The following TNR variants were observed in gnomAD, a reference collection of about 807,000 sequenced individuals.
TNR encodes the protein tenascin R.
Under a neutral mutation model 150.4 loss-of-function variants are expected in TNR, and 45 were observed. That is an observed-to-expected ratio of 0.30 (90% CI 0.24 to 0.38). TNR has a LOEUF of 0.38. Ranked by LOEUF, TNR falls within the 10% of genes least tolerant of loss-of-function variation. TNR has a pLI of 1.00. For missense variants in TNR, 1,544 were observed against 1,759.1 expected (o/e 0.88, Z 2.19); for synonymous variants, 687 against 678.4 (o/e 1.01, Z -0.20).
intron 1 of TNR, among the ~76,000 whole-genome samples, chr1:175,624,259 T>A (rs1218658300): frequency 6.6e-6 from 1 of 152,228 alleles, no homozygotes; most frequent in Non-Finnish European, 1.5e-5. Context: ...AATTCTTTCC[T>A]GGAAATAGAT....
intron 2 of TNR, among the ~76,000 whole-genome samples, chr1:175,502,909 C>A (rs149295735): frequency 1.3e-5 from 2 of 151,618 alleles, no homozygotes; most frequent in African/African-American, 2.4e-5. Flanking sequence ...ACCCCCTAGA[C>A]GAACCAAGGA....
chr1:175,536,383 G>A (rs1481510773), intron 1 of TNR, among the ~76,000 whole-genome samples: 1 of 152,192 alleles, frequency 6.6e-6, no homozygotes, highest in East Asian at 1.9e-4. Flanking sequence ...CATGGCTAGG[G>A]CCTGGGTGTC....
chr1:175,568,027 C>A (rs1182577807), intron 1 of TNR, among the ~76,000 whole-genome samples: 1 of 152,178 alleles, frequency 6.6e-6, no homozygotes, highest in Non-Finnish European at 1.5e-5. Flanking sequence ...TTTACAATAA[C>A]ATAAGTCTGC....
chr1:175,653,401 T>C lies in TNR; in HGVS notation c.-165+89825A>G, dbSNP rs182727332. Reference sequence around the variant, plus strand: ...AAAGTGAGAAGCAGAGTGAAGTATATTGCACCATATCAAAGCTCAAAACAA... The same window carrying C: ...AAAGTGAGAAGCAGAGTGAAGTATACTGCACCATATCAAAGCTCAAAACAA... On this transcript the variant is annotated intron_variant, in intron 1 of 22. Transcript: ENST00000367674. 4.1e-4 allele frequency among the ~76,000 whole-genome samples: 62 copies of C among 152,272 alleles called. 2 individuals carry two copies. Among genetic ancestry groups the C allele is most frequent in the African/African-American group, 1.4e-3 (57 of 41,556 alleles).
rs907380144 is a variant in TNR at position 175,458,954 on chromosome 1, C to A, written c.-63-52177G>T. Among the ~76,000 whole-genome samples, 26 of 102,956 alleles carry A rather than the reference C, an allele frequency of 2.5e-4. No homozygotes were observed. The African/African-American group carries it at 4.0e-3, about 16-fold the overall frequency. The allele number at this position is 102,956 out of a possible 152,430, so 67.5% of individuals were successfully genotyped here. On this transcript the variant is annotated intron_variant, in intron 2 of 22. Transcript: ENST00000367674. ...ATCACCACCACCATTAGCACCTCCA[C>A]CAACACCATCACCACCACGTTAACC...
Position 175,332,113 on chromosome 1 carries a change from C to T in TNR, c.3632-1878G>A, listed in dbSNP as rs138391955. Among the ~76,000 whole-genome samples, 1,101 of 152,326 alleles carry T rather than the reference C, an allele frequency of 7.2e-3. 9 individuals are homozygous for T. The highest frequency in any genetic ancestry group is 0.011 in the Non-Finnish European group (760 of 68,026). ...TGCTACAAGTGTTGGCTGTTAGCAA[C>T]TTGCAGCTGCCTTCTTCTTGGAAAA... On this transcript the variant is annotated intron_variant, in intron 20 of 22. Coordinates refer to ENST00000367674, the MANE Select transcript of TNR (RefSeq NM_003285.3).
chr1:175,703,701 G>A (rs1420273608), intron 1 of TNR, among the ~76,000 whole-genome samples: 1 of 152,160 alleles, frequency 6.6e-6, no homozygotes, highest in Non-Finnish European at 1.5e-5. Flanking sequence ...AGAAAGTATA[G>A]ATGACCAATA....
chr1:175,422,835 C>A (rs747898576), intron 2 of TNR, among the ~76,000 whole-genome samples: 1 of 152,244 alleles, frequency 6.6e-6, no homozygotes, highest in Non-Finnish European at 1.5e-5. Flanking sequence ...CTCATAGGTG[C>A]ACCTGCTTCT....
chr1:175,355,652 G>A lies in TNR; in HGVS notation c.3119-19C>T, dbSNP rs1651289728. ...TCCAGGACTGCAAAGAGGAGAAAGT[G>A]CCAGGGCATGCCTGCCTCTCCAGCT... is the stretch of plus-strand genomic sequence containing the variant. On this transcript the variant is annotated intron_variant, in intron 16 of 22. Coordinates refer to ENST00000367674, the MANE Select transcript of TNR (RefSeq NM_003285.3). The A allele has an allele frequency of 6.2e-7, 1 of 1,612,680 alleles. No homozygotes were observed. Among genetic ancestry groups the A allele is most frequent in the East Asian group, 2.2e-5 (1 of 44,826 alleles).
intron 1 of TNR, among the ~76,000 whole-genome samples, chr1:175,634,172 C>A (rs1453346772): frequency 2.0e-5 from 3 of 152,142 alleles, no homozygotes; most frequent in Admixed American, 6.6e-5. Flanking sequence ...ATATCAGTGG[C>A]AGGGAGGAAG....
At chr1:175,539,069 G>C (rs947562332) in intron 1 of TNR, 1 of 152,132 alleles carries the variant, frequency 6.6e-6, no homozygotes, top group Non-Finnish European at 1.5e-5. Context: ...TTTTCATTCT[G>C]GTCTCCCCAG....
chr1:175,425,488 G>A (rs948747617), intron 2 of TNR, among the ~76,000 whole-genome samples: 9 of 152,180 alleles, frequency 5.9e-5, no homozygotes, highest in African/African-American at 2.2e-4. Flanking sequence ...TGGAACTCAA[G>A]GTGAATGAGC....
rs140036541 is a variant in TNR, at chr1:175,316,729, C to T, written c.*6628G>A. The T allele has an allele frequency of 1.4e-4, 22 of 152,240 alleles. 1 individual carries two copies. Among genetic ancestry groups the T allele is most frequent in the African/African-American group, 4.8e-4 (20 of 41,552 alleles). The allele number at this position is 152,240 out of a possible 1,614,324, so 9.4% of individuals were successfully genotyped here. A position where few individuals can be genotyped will look rare whatever the true frequency, so the allele number is the denominator to read the frequency against. On this transcript the variant is annotated 3_prime_UTR_variant, in exon 23 of 23. Coordinates refer to ENST00000367674, the MANE Select transcript of TNR (RefSeq NM_003285.3). ...TTATGTTCTGGTTCTTATCTTCCCCCTCTCATTCTGTTGGGGACCCTCTCC... is the reference window on the plus strand; with the variant it reads ...TTATGTTCTGGTTCTTATCTTCCCCTTCTCATTCTGTTGGGGACCCTCTCC...
intron 1 of TNR, among the ~76,000 whole-genome samples, chr1:175,566,952 G>T (rs895912568): frequency 7.9e-5 from 12 of 152,144 alleles, no homozygotes; most frequent in African/African-American, 2.9e-4. Context: ...ACTGAAATGT[G>T]GCACATCTTG....
intron 2 of TNR, among the ~76,000 whole-genome samples, chr1:175,516,098 C>A (rs1175431633): frequency 6.6e-6 from 1 of 152,090 alleles, no homozygotes; most frequent in African/African-American, 2.4e-5. Context: ...TTATTCAGAA[C>A]CATTTATTCA....
chr1:175,698,784 G>A (rs1339511810), intron 1 of TNR, among the ~76,000 whole-genome samples: 1 of 151,864 alleles, frequency 6.6e-6, no homozygotes, highest in Non-Finnish European at 1.5e-5. Flanking sequence ...GCAGTGATCT[G>A]AGATCACGCC....
At chr1:175,535,244 G>A (rs1660228017) in intron 1 of TNR, among the ~76,000 whole-genome samples, 1 of 152,064 alleles carries the variant, frequency 6.6e-6, no homozygotes, top group African/African-American at 2.4e-5. Context: ...GTTCCTCAAT[G>A]TCCCTCCAAG....
chr1:175,517,012 TGAGAGAGA>T (rs58416273), intron 2 of TNR, among the ~76,000 whole-genome samples: 28,702 of 120,498 alleles, frequency 0.24, 3,021 homozygotes, highest in East Asian at 0.54. Context: ...ATCTGAAAGC[TGAGAGAGA>T]GAGAGAGAGA....
intron 9 of TNR, among the ~76,000 whole-genome samples, chr1:175,373,526 T>C (rs1427532910): frequency 2.6e-5 from 4 of 152,140 alleles, no homozygotes; most frequent in Admixed American, 1.3e-4. Flanking sequence ...GTGTGCATGA[T>C]GTTCAAGTTT....
Sources: gnomAD v4.1 joint callset for allele counts (sites outside exome capture counted in the v4.1 genomes callset) on GRCh38, gnomAD v4.1.1 for gene constraint, MANE v1.5 for transcripts, NCBI Gene and HGNC (gene_info 2026-07-23, HGNC 2026-07-21) for gene names.